GPAM: variants seen among roughly 807,000 people sequenced by gnomAD.
The protein encoded by GPAM is glycerol-3-phosphate acyltransferase 1, mitochondrial.
Under a neutral mutation model 105.0 loss-of-function variants are expected in GPAM, and 56 were observed. The observed-to-expected ratio is 0.53, with a 90% CI of 0.43 to 0.67. The LOEUF is 0.67. Ranked by LOEUF, GPAM falls within the 30% of genes least tolerant of loss-of-function variation. The pLI is 0.00. For missense variants in GPAM, 855 were observed against 989.8 expected, an observed-to-expected ratio of 0.86 and a Z score of 1.83; for synonymous variants, 368 against 354.4, an observed-to-expected ratio of 1.04 and a Z score of -0.43.
chr10:112,168,460 C>G lies in GPAM; in HGVS notation c.959G>C (p.Arg320Thr). 6.2e-7 allele frequency: 1 copy of G among 1,613,116 alleles called. No individual in the cohort carries two copies. Among genetic ancestry groups the G allele is most frequent in the Non-Finnish European group, 8.5e-7 (1 of 1,179,048 alleles). ...CCGAGCACAAGAGGTTTTTCCACTC[C>G]TAGAACGTGTGCCTTCCAGGAAGAT... ...LEIFLEGTRSRSGKTSCARAG... is the reference protein window; with the variant it reads ...LEIFLEGTRSTSGKTSCARAG... Residue 320 changes from arginine (R) to threonine (T), a missense_variant, in exon 11 of 22, where the codon AGG becomes ACG. Coordinates refer to ENST00000348367, the MANE Select transcript of GPAM (RefSeq NM_001244949.2).
chr10:112,222,354 C>T, the GPAM span, among the ~76,000 whole-genome samples: 246 of 152,294 alleles, frequency 1.6e-3, 2 homozygotes, highest in Middle Eastern at 0.014. Context: ...AAGAGTCCCA[C>T]GCAAACCCAG....
At chr10:112,220,104 T>C (rs572420848), upstream of GPAM, among the ~76,000 whole-genome samples, 2 of 152,304 alleles carry the variant, frequency 1.3e-5, no homozygotes, top group African/African-American at 4.8e-5. Flanking sequence ...TGACTACTGA[T>C]GGCTCCACCC....
upstream of GPAM, chr10:112,183,806 C>T (rs1271915649): frequency 2.0e-5 from 3 of 152,312 alleles, no homozygotes; most frequent in African/African-American, 7.2e-5. Context: ...GACGCGGGGC[C>T]GCCGGCTAGC....
Position 112,159,979 on chromosome 10 carries a change from G to C in GPAM, c.1834C>G (p.Gln612Glu). ...PTSTPPNLIS[Q>E]EQLVRKAASL... Reference sequence around the variant, plus strand: ...GCCGCCTTCCGCACCAGCTGCTCCTGGCTGATCAGGTTAGGTGGGGTGCTA... The same window carrying C: ...GCCGCCTTCCGCACCAGCTGCTCCTCGCTGATCAGGTTAGGTGGGGTGCTA... The change falls in exon 17 of 22, where the codon CAG becomes GAG. Residue 612 changes from glutamine to glutamate, a missense_variant. By Grantham distance (29) the Gln-to-Glu change is conservative. Coordinates refer to ENST00000348367, the MANE Select transcript of GPAM (RefSeq NM_001244949.2). 6.2e-7 allele frequency: 1 copy of C among 1,613,954 alleles called. No homozygotes were observed. The highest frequency in any genetic ancestry group is 1.1e-5 in the South Asian group (1 of 91,080).
At chr10:112,225,027 GGAT>G in the GPAM span, among the ~76,000 whole-genome samples, 2 of 152,172 alleles carry the variant, frequency 1.3e-5, no homozygotes, top group African/African-American at 4.8e-5. Flanking sequence ...ACATGCCTTA[GGAT>G]GACTTTGCCT....
the GPAM span, among the ~76,000 whole-genome samples, chr10:112,223,629 C>T: frequency 6.6e-6 from 1 of 152,300 alleles, no homozygotes; most frequent in African/African-American, 2.4e-5. Context: ...CTTCCTCCTT[C>T]ATGGAGATGT....
At chr10:112,188,668 T>A (rs1170943676), upstream of GPAM, among the ~76,000 whole-genome samples, 1 of 152,218 alleles carries the variant, frequency 6.6e-6, no homozygotes, top group South Asian at 2.1e-4. Context: ...CTGTGTACAT[T>A]GCATTTTGTT....
the GPAM span, among the ~76,000 whole-genome samples, chr10:112,227,181 C>T: frequency 6.6e-6 from 1 of 152,198 alleles, no homozygotes; most frequent in Non-Finnish European, 1.5e-5. Context: ...CATCTATGAT[C>T]TTTTCTAATC....
chr10:112,204,219 C>T (rs892408660), intron 1 of GPAM, among the ~76,000 whole-genome samples: 4 of 151,552 alleles, frequency 2.6e-5, no homozygotes, highest in African/African-American at 9.7e-5. Context: ...ATGCTGTCTG[C>T]AAATCTCTGG....
chr10:112,174,634 G>C (rs1169400157), intron 6 of GPAM, among the ~76,000 whole-genome samples: 2 of 152,186 alleles, frequency 1.3e-5, no homozygotes, highest in South Asian at 2.1e-4. Flanking sequence ...CAGTGGTGCT[G>C]ATTTTGGACT....
Position 112,166,393 on chromosome 10 carries a change from G to A in GPAM, c.1221+9C>T, listed in dbSNP as rs756762730. 7.0e-7 allele frequency: 1 copy of A among 1,438,524 alleles called. No individual in the cohort carries two copies. Among genetic ancestry groups the A allele is most frequent in the South Asian group, 1.1e-5 (1 of 87,418 alleles). The allele number at this position is 1,438,524 out of a possible 1,614,324, so 89.1% of individuals were successfully genotyped here. ...GCTTCAACATGGTTTCATTTCAACAGACACTCACCTTTAAGGAAAATGGCT... is the reference window on the plus strand; with the variant it reads ...GCTTCAACATGGTTTCATTTCAACAAACACTCACCTTTAAGGAAAATGGCT... On this transcript the variant is annotated intron_variant, in intron 12 of 21. Coordinates refer to ENST00000348367, the MANE Select transcript of GPAM (RefSeq NM_001244949.2).
chr10:112,169,061 G>A (rs775052141), intron 9 of GPAM, 109 bp from the exon 10 acceptor site: 53 of 744,716 alleles, frequency 7.1e-5, no homozygotes, highest in African/African-American at 3.5e-4. Context: ...CATATGTGCC[G>A]TTTGAGCAGC....
At chr10:112,181,640 A>G in intron 3 of GPAM, 43 bp downstream of exon 3, 1 of 1,054,072 alleles carries the variant, frequency 9.5e-7, no homozygotes. Context: ...ATTGAAATGA[A>G]CATTTTTAGG....
intron 6 of GPAM, among the ~76,000 whole-genome samples, chr10:112,175,040 G>A (rs535489376): frequency 5.9e-5 from 9 of 152,148 alleles, no homozygotes; most frequent in Admixed American, 3.3e-4. Context: ...ACGGGAGTTT[G>A]GAACATCTTC....
At chr10:112,203,303 C>A (rs982095786) in intron 1 of GPAM, among the ~76,000 whole-genome samples, 2 of 152,198 alleles carry the variant, frequency 1.3e-5, no homozygotes, top group South Asian at 4.1e-4. Context: ...AAAAAAGATT[C>A]CCTCTGCAAA....
At chr10:112,162,174 G>A (rs1160860015) in intron 14 of GPAM, among the ~76,000 whole-genome samples, 1 of 152,218 alleles carries the variant, frequency 6.6e-6, no homozygotes, top group Non-Finnish European at 1.5e-5. Flanking sequence ...AAACGAAGGT[G>A]TAGTAGAAGG....
chr10:112,192,422 A>G (rs969275922), intron 1 of GPAM, among the ~76,000 whole-genome samples: 13 of 152,224 alleles, frequency 8.5e-5, no homozygotes, highest in African/African-American at 3.1e-4. Flanking sequence ...TCCAAACAGC[A>G]TCTGTCCCAG....
In GPAM at chr10:112,179,082, A is replaced by C. The variant is rs150090350; in HGVS notation, c.226-1025T>G. ...CTTAAGTGGAATCTCTTTAGAGAAA[A>C]GGAAAATACGATTTCAGAGAAAAGA... On this transcript the variant is annotated intron_variant, in intron 4 of 21. Transcript: ENST00000348367. Among the ~76,000 whole-genome samples, 511 of 152,364 alleles carry C rather than the reference A, an allele frequency of 3.4e-3. 2 individuals carry two copies. Among genetic ancestry groups the C allele is most frequent in the African/African-American group, 0.011 (477 of 41,594 alleles).
intron 1 of GPAM, among the ~76,000 whole-genome samples, chr10:112,214,858 T>G (rs368829499): frequency 5.3e-4 from 80 of 152,290 alleles, no homozygotes; most frequent in African/African-American, 1.9e-3. Flanking sequence ...GATGGAGGAT[T>G]TCATGGAGGC....
Sources: allele counts gnomAD v4.1 joint callset (sites outside exome capture counted in the v4.1 genomes callset), GRCh38; gene constraint gnomAD v4.1.1; transcripts MANE v1.5; gene names NCBI Gene and HGNC (gene_info 2026-07-23, HGNC 2026-07-21).